EYA4: variants seen among roughly 807,000 people sequenced by gnomAD.
EYA4 encodes protein phosphatase EYA4.
In EYA4, 31 loss-of-function variants were observed where a neutral mutation model predicts 87.9. The observed-to-expected ratio is 0.35, with a 90% CI of 0.27 to 0.48. EYA4 has a LOEUF of 0.48. Ranked by LOEUF, EYA4 falls within the 20% of genes least tolerant of loss-of-function variation. EYA4 has a pLI of 0.99. For synonymous variants in EYA4, 263 were observed against 270.6 expected (o/e 0.97, Z 0.28); for missense variants, 678 against 761.4 (o/e 0.89, Z 1.29).
intron 3 of EYA4, among the ~76,000 whole-genome samples, chr6:133,425,391 A>C (rs1181667784): frequency 1.3e-5 from 2 of 150,324 alleles, no homozygotes; most frequent in African/African-American, 5.0e-5. Flanking sequence ...ACCTGAATGG[A>C]AATCAGTAAT....
chr6:133,483,704 A>ATTATTG (rs1476382966), intron 13 of EYA4, among the ~76,000 whole-genome samples: 2 of 93,096 alleles, frequency 2.1e-5, no homozygotes, highest in African/African-American at 1.1e-4. Context: ...CATTGTTATT[A>ATTATTG]TTATTATTAT....
At chr6:133,461,883 G>T (rs1053544255) in intron 7 of EYA4, among the ~76,000 whole-genome samples, 3 of 149,004 alleles carry the variant, frequency 2.0e-5, no homozygotes, top group Non-Finnish European at 4.4e-5. Flanking sequence ...TCTTGGGAGC[G>T]AATTCTTAGT....
chr6:133,387,590 G>T (rs1786862314), intron 3 of EYA4, among the ~76,000 whole-genome samples: 1 of 152,030 alleles, frequency 6.6e-6, no homozygotes, highest in South Asian at 2.1e-4. Context: ...TTTGACTAAT[G>T]AACCCAGGAA....
At chr6:133,433,681 G>A (rs1289616399) in intron 3 of EYA4, among the ~76,000 whole-genome samples, 1 of 152,198 alleles carries the variant, frequency 6.6e-6, no homozygotes, top group Non-Finnish European at 1.5e-5. Flanking sequence ...GGCATTGAGG[G>A]CATGCTAAGA....
intron 2 of EYA4, among the ~76,000 whole-genome samples, chr6:133,275,742 C>T (rs1261482197): frequency 6.6e-6 from 1 of 151,972 alleles, no homozygotes; most frequent in Non-Finnish European, 1.5e-5. Context: ...ATTTGATTTG[C>T]TTTCTAGTGG....
At chr6:133,446,526 AATT>A in intron 3 of EYA4, 101 bp from the exon 4 acceptor site, 1 of 1,328,462 alleles carries the variant, frequency 7.5e-7, no homozygotes, top group African/African-American at 1.5e-5. Context: ...TACTGGTTTT[AATT>A]ATTACTGTGA....
chr6:133,495,195 A>T (rs182276340), intron 13 of EYA4, among the ~76,000 whole-genome samples: 1 of 151,946 alleles, frequency 6.6e-6, no homozygotes, highest in African/African-American at 2.4e-5. Context: ...CCTGAACCCC[A>T]GAGGCAGAGG....
intron 3 of EYA4, among the ~76,000 whole-genome samples, chr6:133,413,448 T>A (rs1335898910): frequency 6.6e-6 from 1 of 151,376 alleles, no homozygotes; most frequent in Non-Finnish European, 1.5e-5. Flanking sequence ...TTTTTGGGCC[T>A]TTACTTTCTT....
chr6:133,324,135 C>T (rs1368575426), intron 2 of EYA4, among the ~76,000 whole-genome samples: 2 of 152,056 alleles, frequency 1.3e-5, no homozygotes, highest in African/African-American at 4.8e-5. Context: ...ATATATTCTC[C>T]ACTGCTGTCC....
chr6:133,464,242 T>C (rs531026061), intron 9 of EYA4, among the ~76,000 whole-genome samples: 1 of 152,266 alleles, frequency 6.6e-6, no homozygotes, highest in Admixed American at 6.5e-5. Context: ...TAGATTTGTG[T>C]ACCATAAACA....
intron 1 of EYA4, among the ~76,000 whole-genome samples, chr6:133,250,331 G>T (rs1321992945): frequency 6.6e-6 from 1 of 152,050 alleles, no homozygotes; most frequent in Non-Finnish European, 1.5e-5. Context: ...AGTTCTTATA[G>T]CACAGTGAGT....
rs1383370003 is a variant in EYA4 at position 133,530,185 on chromosome 6, A to G, written c.*1380A>G. Reference sequence around the variant, plus strand: ...TTGGCAGCGCTGCTGAAATGACAACAGTAAAATAATACCTGGTTCTCCATC... The same window carrying G: ...TTGGCAGCGCTGCTGAAATGACAACGGTAAAATAATACCTGGTTCTCCATC... On this transcript the variant is annotated 3_prime_UTR_variant, in exon 20 of 20. Transcript: ENST00000355286. 2.0e-6 allele frequency: 2 copies of G among 985,332 alleles called. No homozygotes were observed. Among genetic ancestry groups the G allele is most frequent in the East Asian group, 2.3e-4 (2 of 8,826 alleles). The allele number at this position is 985,332 out of a possible 1,614,324, so 61.0% of individuals were successfully genotyped here. A position where few individuals can be genotyped will look rare whatever the true frequency, so the allele number is the denominator to read the frequency against.
intron 1 of EYA4, among the ~76,000 whole-genome samples, chr6:133,258,149 C>G (rs1338828941): frequency 6.6e-6 from 1 of 152,106 alleles, no homozygotes. Context: ...CTAGTTTGTT[C>G]AAGTGCTTGA....
chr6:133,321,937 T>C (rs1420032162), intron 2 of EYA4, among the ~76,000 whole-genome samples: 1 of 152,194 alleles, frequency 6.6e-6, no homozygotes, highest in Non-Finnish European at 1.5e-5. Context: ...TGGTCTCTCC[T>C]CTCTTACCAC....
rs1042958178 is a variant in EYA4, at chr6:133,351,604, CCTT to C, written c.34-30784_34-30782del. Among the ~76,000 whole-genome samples the C allele has an allele frequency of 7.4e-3, 1,013 of 137,536 alleles. 10 individuals carry two copies. Among genetic ancestry groups the C allele is most frequent in the African/African-American group, 0.035 (967 of 28,016 alleles). 90.2% of individuals were successfully genotyped at this position (137,536 alleles called of 152,430 possible). A position where few individuals can be genotyped will look rare whatever the true frequency, so the allele number is the denominator to read the frequency against. ...CAGACAGTTGTGATAATAGTGCTGA[CCTT>C]CTTTGTTTCCCTTCTTTCCTGGATT... On this transcript the variant is annotated intron_variant, in intron 2 of 19. Transcript: ENST00000355286.
intron 2 of EYA4, among the ~76,000 whole-genome samples, chr6:133,333,243 C>G (rs1429077836): frequency 1.3e-5 from 2 of 152,174 alleles, no homozygotes; most frequent in Admixed American, 1.3e-4. Context: ...ACATAGTATT[C>G]CTTAATGAAT....
chr6:133,361,666 G>T (rs931592059), intron 2 of EYA4, among the ~76,000 whole-genome samples: 40 of 152,306 alleles, frequency 2.6e-4, no homozygotes, highest in African/African-American at 9.6e-4. Flanking sequence ...AAAGAATGAA[G>T]ACCTCCTGGG....
intron 13 of EYA4, among the ~76,000 whole-genome samples, chr6:133,493,729 G>A (rs1245486692): frequency 6.6e-6 from 1 of 152,052 alleles, no homozygotes; most frequent in Non-Finnish European, 1.5e-5. Context: ...CATACAAGGA[G>A]CTCAACTCAA....
chr6:133,241,859 A>T (rs889055588), intron 1 of EYA4, 110 bp downstream of exon 1: 1 of 152,224 alleles, frequency 6.6e-6, no homozygotes, highest in African/African-American at 2.4e-5. Context: ...GGGGACGCCG[A>T]GCGCTGGGTA....
Sources: allele counts gnomAD v4.1 joint callset (sites outside exome capture counted in the v4.1 genomes callset), GRCh38; gene constraint gnomAD v4.1.1; transcripts MANE v1.5; gene names NCBI Gene and HGNC (gene_info 2026-07-23, HGNC 2026-07-21).